Variants in MTUS2 observed in about 807,000 individuals in gnomAD.
MTUS2 encodes the protein microtubule-associated tumor suppressor candidate 2.
Under a neutral mutation model 114.1 loss-of-function variants are expected in MTUS2, and 40 were observed. The ratio of observed to expected loss-of-function variants is 0.35; its 90% CI spans 0.27 to 0.46. The LOEUF (loss-of-function observed/expected upper bound fraction) is 0.46, where lower values mean the gene tolerates loss of function less well. Ranked by LOEUF, MTUS2 falls within the 20% of genes least tolerant of loss-of-function variation. MTUS2 has a pLI of 1.00. For missense variants in MTUS2, 1,679 were observed against 1,705.4 expected, an observed-to-expected ratio of 0.98 and a Z score of 0.27; for synonymous variants, 688 against 672.0, an observed-to-expected ratio of 1.02 and a Z score of -0.37.
chr13:28,837,145 T>C (rs529982148), intron 1 of MTUS2, among the ~76,000 whole-genome samples: 1 of 152,310 alleles, frequency 6.6e-6, no homozygotes, highest in East Asian at 1.9e-4. Flanking sequence ...TGTTCTTCAT[T>C]GTAGTTGTGC....
intron 8 of MTUS2, among the ~76,000 whole-genome samples, chr13:29,367,433 A>G (rs1440875682): frequency 6.6e-6 from 1 of 152,126 alleles, no homozygotes; most frequent in African/African-American, 2.4e-5. Context: ...AATAAAAGAG[A>G]GGAGGCACTG....
intron 5 of MTUS2, among the ~76,000 whole-genome samples, chr13:29,201,074 C>A (rs528235008): frequency 5.1e-4 from 77 of 152,136 alleles, no homozygotes; most frequent in Non-Finnish European, 9.3e-4. Context: ...TGTTAATTTT[C>A]TTTCTCATTG....
At chr13:29,379,113 C>T (rs551446900) in intron 8 of MTUS2, among the ~76,000 whole-genome samples, 5 of 152,232 alleles carry the variant, frequency 3.3e-5, no homozygotes, top group Non-Finnish European at 7.3e-5. Context: ...GAGGCCTCCC[C>T]AGCCCTGCGG....
intron 9 of MTUS2, among the ~76,000 whole-genome samples, chr13:29,452,730 C>T (rs556905347): frequency 1.3e-5 from 2 of 151,956 alleles, no homozygotes; most frequent in Non-Finnish European, 2.9e-5. Context: ...AGATGTGAGC[C>T]ACTGTGCCTG....
At chr13:28,902,239 G>T (rs1212190772) in intron 2 of MTUS2, among the ~76,000 whole-genome samples, 1 of 151,950 alleles carries the variant, frequency 6.6e-6, no homozygotes, top group Non-Finnish European at 1.5e-5. Flanking sequence ...AGTTTTCTTG[G>T]GAAATTCTAT....
intron 5 of MTUS2, among the ~76,000 whole-genome samples, chr13:29,154,679 A>G (rs759020446): frequency 3.9e-5 from 6 of 152,312 alleles, no homozygotes; most frequent in Middle Eastern, 3.4e-3. Context: ...TCATCATACA[A>G]TGTGCTGCAT....
chr13:29,385,822 C>T (rs1317551023), intron 8 of MTUS2, among the ~76,000 whole-genome samples: 3 of 152,202 alleles, frequency 2.0e-5, no homozygotes, highest in African/African-American at 7.2e-5. Context: ...CTCCTACCCA[C>T]TGGGAGAAAG....
chr13:29,261,097 G>A (rs1464872172), intron 5 of MTUS2, among the ~76,000 whole-genome samples: 1 of 152,190 alleles, frequency 6.6e-6, no homozygotes, highest in Non-Finnish European at 1.5e-5. Flanking sequence ...CCTGAAAGAA[G>A]AGAGGGAGTT....
At chr13:29,347,424 TG>T (rs1418533430) in intron 7 of MTUS2, among the ~76,000 whole-genome samples, 2 of 50,544 alleles carry the variant, frequency 4.0e-5, no homozygotes, top group African/African-American at 8.1e-5. Context: ...CATGGTTATT[TG>T]GAAGTGTATG....
intron 8 of MTUS2, among the ~76,000 whole-genome samples, chr13:29,389,655 A>G (rs1233012063): frequency 2.1e-5 from 3 of 145,474 alleles, no homozygotes; most frequent in African/African-American, 7.8e-5. Context: ...GTATATACGT[A>G]TATATGTATA....
At chr13:28,850,147 A>G (rs895849319) in intron 2 of MTUS2, among the ~76,000 whole-genome samples, 1 of 61,016 alleles carries the variant, frequency 1.6e-5, no homozygotes, top group Non-Finnish European at 4.6e-5. Flanking sequence ...TCGTTGGTAT[A>G]AGGTCCTTTG....
At chr13:29,489,981 A>G (rs1414933941) in intron 11 of MTUS2, 1 of 152,122 alleles carries the variant, frequency 6.6e-6, no homozygotes, top group African/African-American at 2.4e-5. Context: ...TTTTCACATA[A>G]ATCTGGTGGA....
At chr13:29,337,616 T>TC (rs1279918224) in intron 7 of MTUS2, among the ~76,000 whole-genome samples, 2 of 151,272 alleles carry the variant, frequency 1.3e-5, no homozygotes, top group Admixed American at 1.3e-4. Context: ...TTTTTTTTTT[T>TC]TTGAGATGGG....
chr13:28,976,961 G>C (rs1286822606), intron 2 of MTUS2, among the ~76,000 whole-genome samples: 1 of 152,186 alleles, frequency 6.6e-6, no homozygotes, highest in Admixed American at 6.5e-5. Context: ...TTGGGGGAAG[G>C]GATAGAGAGA....
intron 1 of MTUS2, among the ~76,000 whole-genome samples, chr13:28,837,026 A>G (rs1344735268): frequency 1.3e-5 from 2 of 152,252 alleles, no homozygotes; most frequent in Middle Eastern, 3.4e-3. Flanking sequence ...GGCTGTTGCT[A>G]TGAGGATTAA....
chr13:29,226,242 A>G (rs1321785077), intron 5 of MTUS2, among the ~76,000 whole-genome samples: 1 of 152,220 alleles, frequency 6.6e-6, no homozygotes. Context: ...ATGAAAATGG[A>G]ATAAAGATAC....
At chr13:29,418,943 G>C (rs1157440057) in intron 8 of MTUS2, among the ~76,000 whole-genome samples, 1 of 152,136 alleles carries the variant, frequency 6.6e-6, no homozygotes, top group Non-Finnish European at 1.5e-5. Flanking sequence ...GCTACCTTTT[G>C]GTCTGTGTTT....
At chr13:29,270,436 C>T (rs991643922) in intron 5 of MTUS2, among the ~76,000 whole-genome samples, 3 of 152,086 alleles carry the variant, frequency 2.0e-5, no homozygotes, top group Admixed American at 1.3e-4. Context: ...CAGAGCCAAG[C>T]GAGTCAGAGC....
chr13:29,152,989 G>A (rs1892720076), intron 5 of MTUS2, among the ~76,000 whole-genome samples: 2 of 152,172 alleles, frequency 1.3e-5, no homozygotes, highest in Admixed American at 6.5e-5. Context: ...GGCTTAATGT[G>A]TGAAAGGAAA....
Sources: allele counts gnomAD v4.1 joint callset (sites outside exome capture counted in the v4.1 genomes callset), GRCh38; gene constraint gnomAD v4.1.1; transcripts MANE v1.5; gene names NCBI Gene and HGNC (gene_info 2026-07-23, HGNC 2026-07-21).